NRCAM: variants seen among roughly 807,000 people sequenced by gnomAD.
The protein encoded by NRCAM is neuronal cell adhesion molecule.
A neutral mutation model predicts 156.5 loss-of-function variants in NRCAM; 83 were observed. The observed-to-expected ratio is 0.53, with a 90% CI of 0.44 to 0.64. The LOEUF (loss-of-function observed/expected upper bound fraction) is 0.64, where lower values mean the gene tolerates loss of function less well. Ranked by LOEUF, NRCAM falls within the 30% of genes least tolerant of loss-of-function variation. NRCAM has a pLI of 0.00. For missense variants in NRCAM, 1,417 were observed against 1,597.3 expected (o/e 0.89, Z 1.92); for synonymous variants, 538 against 563.9 (o/e 0.95, Z 0.65).
intron 31 of NRCAM, 146 bp from the exon 32 acceptor site, chr7:108,159,687 G>A: frequency 1.6e-6 from 1 of 607,054 alleles, no homozygotes; most frequent in Non-Finnish European, 2.9e-6. Context: ...TGGTGGCCAT[G>A]CATATATTTT....
At chr7:108,226,486 A>C in intron 8 of NRCAM, 108 bp from the exon 9 acceptor site, 1 of 691,636 alleles carries the variant, frequency 1.4e-6, no homozygotes, top group Non-Finnish European at 2.4e-6. Flanking sequence ...TCATTTGAAT[A>C]TATTTTTTCT....
intron 26 of NRCAM, 138 bp from the exon 27 acceptor site, chr7:108,176,744 T>C: frequency 1.6e-6 from 1 of 639,468 alleles, no homozygotes. Flanking sequence ...TTCCCCAGCA[T>C]AACTAAGTGA....
intron 2 of NRCAM, among the ~76,000 whole-genome samples, chr7:108,370,971 T>C (rs1397318114): frequency 6.6e-6 from 1 of 152,186 alleles, no homozygotes; most frequent in Non-Finnish European, 1.5e-5. Context: ...CCACCAGAAC[T>C]GGATTTCTTC....
At chr7:108,438,922 A>C (rs1835355775) in intron 1 of NRCAM, among the ~76,000 whole-genome samples, 1 of 152,296 alleles carries the variant, frequency 6.6e-6, no homozygotes, top group African/African-American at 2.4e-5. Flanking sequence ...TTAACAAAAA[A>C]ATGCAAGATT....
At chr7:108,315,906 C>T (rs1275886894) in intron 2 of NRCAM, among the ~76,000 whole-genome samples, 1 of 152,216 alleles carries the variant, frequency 6.6e-6, no homozygotes, top group Non-Finnish European at 1.5e-5. Context: ...TAGACTGATG[C>T]AAACATCCAA....
intron 8 of NRCAM, among the ~76,000 whole-genome samples, chr7:108,227,740 A>T (rs1249177402): frequency 6.6e-6 from 1 of 152,168 alleles, no homozygotes; most frequent in African/African-American, 2.4e-5. Flanking sequence ...CACACATCCC[A>T]GTGGCCTCAG....
intron 3 of NRCAM, among the ~76,000 whole-genome samples, chr7:108,258,310 C>T (rs778599191): frequency 6.6e-6 from 1 of 152,212 alleles, no homozygotes; most frequent in Non-Finnish European, 1.5e-5. Flanking sequence ...GCCCCTGGTC[C>T]TTCAGCTCCA....
At chr7:108,364,729 A>G (rs934382767) in intron 2 of NRCAM, among the ~76,000 whole-genome samples, 2 of 72,120 alleles carry the variant, frequency 2.8e-5, no homozygotes, top group African/African-American at 4.6e-5. Flanking sequence ...ACGCTAAGTC[A>G]AAAAAAAAAA....
intron 3 of NRCAM, among the ~76,000 whole-genome samples, chr7:108,306,234 G>T (rs1303759371): frequency 6.6e-6 from 1 of 152,104 alleles, no homozygotes; most frequent in African/African-American, 2.4e-5. Context: ...TTCATGCCAA[G>T]ATTTAAGAGC....
intron 24 of NRCAM, among the ~76,000 whole-genome samples, chr7:108,180,810 GAATT>G (rs1042091378): frequency 5.9e-5 from 9 of 152,264 alleles, no homozygotes; most frequent in Middle Eastern, 3.4e-3. Flanking sequence ...TATTTTTCCA[GAATT>G]AATACATGTT....
At chr7:108,176,881 C>T (rs768338020) in intron 26 of NRCAM, 1 of 218,038 alleles carries the variant, frequency 4.6e-6, no homozygotes, top group Non-Finnish European at 8.9e-6. Context: ...GGTTGAATCA[C>T]AATAGAATTT....
intron 2 of NRCAM, among the ~76,000 whole-genome samples, chr7:108,386,470 C>T (rs1365264374): frequency 6.6e-6 from 1 of 152,066 alleles, no homozygotes; most frequent in African/African-American, 2.4e-5. Flanking sequence ...TGTTCCAAAG[C>T]CTTTCATAGT....
Position 108,302,951 on chromosome 7 carries a change from A to G in NRCAM, c.-107+9714T>C, listed in dbSNP as rs192245331. Among the ~76,000 whole-genome samples, 32 of 152,156 alleles carry G rather than the reference A, an allele frequency of 2.1e-4. 2 individuals carry two copies. The East Asian group carries it at 5.0e-3, about 24-fold the overall frequency. On this transcript the variant is annotated intron_variant, in intron 3 of 32. Transcript: ENST00000379028. Reference sequence around the variant, plus strand: ...CTCTTAAAAGCAGCCCTTCTGCTGCATTTTATTTTTTATTTTATTTTAGTT... The same window carrying G: ...CTCTTAAAAGCAGCCCTTCTGCTGCGTTTTATTTTTTATTTTATTTTAGTT...
intron 1 of NRCAM, among the ~76,000 whole-genome samples, chr7:108,426,037 A>G (rs184642215): frequency 6.3e-4 from 96 of 152,356 alleles, no homozygotes; most frequent in African/African-American, 2.2e-3. Flanking sequence ...TAATGCATTC[A>G]TCATTTTTAA....
chr7:108,388,082 G>A (rs558152318), intron 2 of NRCAM, among the ~76,000 whole-genome samples: 3 of 152,234 alleles, frequency 2.0e-5, no homozygotes, highest in South Asian at 2.1e-4. Context: ...CCAGTAATGC[G>A]ATGGCTGGGT....
intron 3 of NRCAM, among the ~76,000 whole-genome samples, chr7:108,241,170 T>C (rs1275875446): frequency 1.3e-5 from 2 of 152,180 alleles, no homozygotes; most frequent in African/African-American, 4.8e-5. Context: ...CATAGGTAGA[T>C]ATATATTAAT....
chr7:108,273,993 T>C (rs2097486584), intron 3 of NRCAM, among the ~76,000 whole-genome samples: 1 of 152,220 alleles, frequency 6.6e-6, no homozygotes, highest in South Asian at 2.1e-4. Flanking sequence ...ATTTATTAAA[T>C]AGGGAATCCT....
intron 1 of NRCAM, among the ~76,000 whole-genome samples, chr7:108,418,890 T>C (rs1160388356): frequency 1.3e-5 from 2 of 152,146 alleles, no homozygotes; most frequent in African/African-American, 4.8e-5. Context: ...CACATAAATA[T>C]TCTGGGGAAA....
intron 1 of NRCAM, among the ~76,000 whole-genome samples, chr7:108,454,796 A>G (rs1854620480): frequency 2.0e-5 from 3 of 152,252 alleles, no homozygotes; most frequent in South Asian, 4.1e-4. Context: ...CCTCCTGCAA[A>G]AGCCTGGGGC....
Sources: gnomAD v4.1 joint callset for allele counts (sites outside exome capture counted in the v4.1 genomes callset) on GRCh38, gnomAD v4.1.1 for gene constraint, MANE v1.5 for transcripts, NCBI Gene and HGNC (gene_info 2026-07-23, HGNC 2026-07-21) for gene names.